The following ARHGAP10 variants were observed in gnomAD, a reference collection of about 807,000 sequenced individuals.
ARHGAP10 encodes Rho GTPase activating protein 10.
Under a neutral mutation model 108.6 loss-of-function variants are expected in ARHGAP10, and 87 were observed. The ratio of observed to expected loss-of-function variants is 0.80; its 90% confidence interval spans 0.67 to 0.96. The LOEUF (loss-of-function observed/expected upper bound fraction) is 0.96. Among genes scored for constraint, ARHGAP10 ranks in the 40% least tolerant of loss-of-function variants. ARHGAP10 has a pLI of 0.00. For missense variants in ARHGAP10, 939 were observed against 954.5 expected (o/e 0.98, Z 0.21); for synonymous variants, 347 against 341.1 (o/e 1.02, Z -0.19).
chr4:147,809,458 A>G (rs1483936257), intron 1 of ARHGAP10, among the ~76,000 whole-genome samples: 1 of 152,090 alleles, frequency 6.6e-6, no homozygotes, highest in Non-Finnish European at 1.5e-5. Flanking sequence ...ACTTAGTAAT[A>G]TTTGATTCAT....
intron 13 of ARHGAP10, among the ~76,000 whole-genome samples, chr4:147,918,133 ATTTTTTTT>A (rs760617123): frequency 7.7e-6 from 1 of 129,998 alleles, no homozygotes; most frequent in African/African-American, 3.2e-5. Flanking sequence ...TCTCATTAAG[ATTTTTTTT>A]TTTTTTTTTT....
chr4:147,735,045 T>A (rs776551300), intron 1 of ARHGAP10, among the ~76,000 whole-genome samples: 2 of 152,234 alleles, frequency 1.3e-5, no homozygotes, highest in Non-Finnish European at 2.9e-5. Flanking sequence ...GATGGCTTGA[T>A]GCTTTGAAGT....
chr4:147,865,149 A>G (rs1734501865), intron 6 of ARHGAP10, 193 bp downstream of exon 6: 2 of 531,436 alleles, frequency 3.8e-6, no homozygotes, highest in Non-Finnish European at 6.7e-6. Context: ...TCTCAGCTGT[A>G]TTTGCACTGA....
chr4:147,799,046 T>TC (rs1731470955), intron 1 of ARHGAP10, among the ~76,000 whole-genome samples: 1 of 151,696 alleles, frequency 6.6e-6, no homozygotes, highest in African/African-American at 2.4e-5. Flanking sequence ...CTTTTTTTTT[T>TC]CTCTTCGAGA....
chr4:147,779,633 T>C (rs1277813189), intron 1 of ARHGAP10, among the ~76,000 whole-genome samples: 1 of 152,104 alleles, frequency 6.6e-6, no homozygotes, highest in African/African-American at 2.4e-5. Context: ...TTTGGGAGTC[T>C]GGGGAGTGGT....
chr4:147,755,789 G>A (rs1729344100), intron 1 of ARHGAP10, among the ~76,000 whole-genome samples: 1 of 152,092 alleles, frequency 6.6e-6, no homozygotes, highest in African/African-American at 2.4e-5. Context: ...GTGTGGGTGT[G>A]TGTGAGTGGT....
At chr4:147,985,608 C>T (rs1435951008) in intron 18 of ARHGAP10, among the ~76,000 whole-genome samples, 1 of 152,228 alleles carries the variant, frequency 6.6e-6, no homozygotes, top group African/African-American at 2.4e-5. Context: ...TCCCCTGCTG[C>T]AGAGCAAATG....
intron 16 of ARHGAP10, among the ~76,000 whole-genome samples, chr4:147,962,116 C>T (rs576181298): frequency 6.6e-6 from 1 of 152,350 alleles, no homozygotes; most frequent in Non-Finnish European, 1.5e-5. Context: ...AATGTCACTT[C>T]CTCCATTCCC....
intron 1 of ARHGAP10, among the ~76,000 whole-genome samples, chr4:147,748,177 A>C (rs1729012060): frequency 6.6e-6 from 1 of 152,236 alleles, no homozygotes; most frequent in Non-Finnish European, 1.5e-5. Flanking sequence ...TGGAATTGCT[A>C]CAAGTATACC....
chr4:148,049,820 GTTTT>G (rs998683897), intron 20 of ARHGAP10, among the ~76,000 whole-genome samples: 2 of 123,392 alleles, frequency 1.6e-5, no homozygotes, highest in African/African-American at 6.6e-5. Context: ...TTGTTTGTTT[GTTTT>G]TTTTGGGTGG....
At chr4:147,761,894 TAGCAGTAAC>T (rs1351382803) in intron 1 of ARHGAP10, among the ~76,000 whole-genome samples, 1 of 151,016 alleles carries the variant, frequency 6.6e-6, no homozygotes, top group Non-Finnish European at 1.5e-5. Flanking sequence ...GGACTTTATG[TAGCAGTAAC>T]AGCAGCAACA....
At chr4:147,980,394 A>T (rs572827792) in intron 18 of ARHGAP10, among the ~76,000 whole-genome samples, 1 of 152,170 alleles carries the variant, frequency 6.6e-6, no homozygotes, top group East Asian at 1.9e-4. Flanking sequence ...AGCCTACTTG[A>T]TCATGGCAAA....
intron 15 of ARHGAP10, among the ~76,000 whole-genome samples, chr4:147,950,306 G>A (rs1476732226): frequency 6.6e-6 from 1 of 152,120 alleles, no homozygotes; most frequent in East Asian, 1.9e-4. Context: ...ATAAAACTGG[G>A]TTTTTATCTA....
intron 18 of ARHGAP10, among the ~76,000 whole-genome samples, chr4:148,000,998 G>C (rs2149644961): frequency 6.6e-6 from 1 of 152,274 alleles, no homozygotes; most frequent in East Asian, 1.9e-4. Flanking sequence ...TGAAGTCCTT[G>C]CCCATGCCTA....
intron 18 of ARHGAP10, among the ~76,000 whole-genome samples, chr4:148,017,344 T>G (rs1741385979): frequency 6.6e-6 from 1 of 152,124 alleles, no homozygotes; most frequent in Admixed American, 6.6e-5. Context: ...AATCTCTGAT[T>G]AAATTTAAGT....
At chr4:147,968,667 T>G (rs538806652) in intron 18 of ARHGAP10, among the ~76,000 whole-genome samples, 1 of 152,250 alleles carries the variant, frequency 6.6e-6, no homozygotes, top group African/African-American at 2.4e-5. Context: ...TCAAGAACTT[T>G]TAGATTTTTT....
chr4:147,916,570 C>T (rs1419824337), intron 13 of ARHGAP10: 1 of 152,164 alleles, frequency 6.6e-6, no homozygotes, highest in Admixed American at 6.5e-5. Flanking sequence ...ACTGGCAGTG[C>T]CCAGATTATT....
intron 10 of ARHGAP10, among the ~76,000 whole-genome samples, chr4:147,892,234 A>G (rs1196057595): frequency 2.0e-5 from 3 of 152,184 alleles, no homozygotes; most frequent in Non-Finnish European, 4.4e-5. Context: ...TTTTACAGTG[A>G]TTTTATACCA....
chr4:147,981,911 G>A (rs753001385), intron 18 of ARHGAP10, among the ~76,000 whole-genome samples: 7 of 152,144 alleles, frequency 4.6e-5, no homozygotes, highest in Non-Finnish European at 1.0e-4. Flanking sequence ...CCATTTGTGT[G>A]GTAGATTTTC....
Sources: allele counts gnomAD v4.1 joint callset (sites outside exome capture counted in the v4.1 genomes callset), GRCh38; gene constraint gnomAD v4.1.1; transcripts MANE v1.5; gene names NCBI Gene and HGNC (gene_info 2026-07-23, HGNC 2026-07-21).